FAIM: variants seen among roughly 807,000 people sequenced by gnomAD.
FAIM encodes the protein fas apoptotic inhibitory molecule 1.
FAIM carries 14 observed loss-of-function variants against 21.2 expected under a neutral mutation model. The ratio of observed to expected loss-of-function variants is 0.66; its 90% CI spans 0.44 to 1.03. FAIM has a LOEUF of 1.03. Ranked by LOEUF, FAIM falls within the 50% of genes least tolerant of loss-of-function variation. The probability of loss-of-function intolerance (pLI) is 0.00; values close to 1 mark genes in which losing one functional copy is unlikely to be tolerated. For missense variants in FAIM, 222 were observed against 247.1 expected (o/e 0.90, Z 0.68); for synonymous variants, 86 against 80.4 (o/e 1.07, Z -0.37).
intron 1 of FAIM, among the ~76,000 whole-genome samples, chr3:138,612,960 A>G (rs916821501): frequency 6.8e-6 from 1 of 147,964 alleles, no homozygotes; most frequent in Non-Finnish European, 1.5e-5. Context: ...TCATGTGCTT[A>G]TTGACCATTT....
At chr3:138,614,376 G>T (rs929918588) in intron 1 of FAIM, among the ~76,000 whole-genome samples, 1 of 152,118 alleles carries the variant, frequency 6.6e-6, no homozygotes, top group Non-Finnish European at 1.5e-5. Context: ...GGAGGTCGAG[G>T]CTGCAGTGAA....
intron 4 of FAIM, among the ~76,000 whole-genome samples, chr3:138,627,486 T>C (rs1326175053): frequency 6.6e-6 from 1 of 152,140 alleles, no homozygotes; most frequent in Non-Finnish European, 1.5e-5. Context: ...TGGCCTTTTT[T>C]TGTACTTTTA....
chr3:138,629,077 T>C (rs749035302), intron 4 of FAIM, 30 bp from the exon 5 acceptor site: 1 of 1,539,156 alleles, frequency 6.5e-7, no homozygotes. Context: ...CACAGAATTA[T>C]AACTTAAAGT....
At chr3:138,614,420 A>T (rs767335268) in intron 1 of FAIM, among the ~76,000 whole-genome samples, 4 of 151,566 alleles carry the variant, frequency 2.6e-5, no homozygotes, top group Non-Finnish European at 5.9e-5. Flanking sequence ...AGCCTGGATG[A>T]CTAGAGTGAG....
chr3:138,612,507 GTA>G (rs915037559), intron 1 of FAIM, among the ~76,000 whole-genome samples: 2 of 152,132 alleles, frequency 1.3e-5, no homozygotes, highest in African/African-American at 4.8e-5. Context: ...AATATCCTTT[GTA>G]TATATATGCA....
intron 5 of FAIM, among the ~76,000 whole-genome samples, chr3:138,631,461 A>G (rs2043004567): frequency 6.6e-6 from 1 of 151,986 alleles, no homozygotes; most frequent in South Asian, 2.1e-4. Context: ...AGGTGAAAAT[A>G]ATATTCATCC....
chr3:138,613,364 G>C lies in FAIM; in HGVS notation c.-17+4427G>C, dbSNP rs1211836787. Reference sequence around the variant, plus strand: ...GGGTTGTCTTTTGTGTTTATGAGCAGTAGAGTTCTTTATATATTCAGAATA... The same window carrying C: ...GGGTTGTCTTTTGTGTTTATGAGCACTAGAGTTCTTTATATATTCAGAATA... On this transcript the variant is annotated intron_variant, in intron 1 of 5. Transcript: ENST00000360570. 2.6e-5 allele frequency among the ~76,000 whole-genome samples: 4 copies of C among 152,186 alleles called. No individual in the cohort carries two copies. In the South Asian group the frequency reaches 8.3e-4, roughly 32 times the overall value.
chr3:138,627,580 A>T (rs1265064646), intron 4 of FAIM, among the ~76,000 whole-genome samples: 1 of 151,958 alleles, frequency 6.6e-6, no homozygotes, highest in East Asian at 1.9e-4. Context: ...TATTGTAGAA[A>T]CTCTGAGTAC....
chr3:138,612,070 T>G (rs1196998737), intron 1 of FAIM, among the ~76,000 whole-genome samples: 1 of 151,442 alleles, frequency 6.6e-6, no homozygotes, highest in African/African-American at 2.4e-5. Flanking sequence ...ATAAGTGGAA[T>G]CATATTTGTC....
chr3:138,631,114 G>A (rs902348031), intron 5 of FAIM: 14 of 151,108 alleles, frequency 9.3e-5, no homozygotes, highest in African/African-American at 1.7e-4. Context: ...CTCCAGCCTC[G>A]GTAACAGAAT....
chr3:138,628,437 C>T (rs2042963662), intron 4 of FAIM, among the ~76,000 whole-genome samples: 1 of 151,934 alleles, frequency 6.6e-6, no homozygotes, highest in African/African-American at 2.4e-5. Flanking sequence ...AGGGTCCCTC[C>T]TCACATTCAT....
At chr3:138,620,930 C>T (rs1200492073) in intron 2 of FAIM, among the ~76,000 whole-genome samples, 1 of 151,966 alleles carries the variant, frequency 6.6e-6, no homozygotes, top group Non-Finnish European at 1.5e-5. Context: ...AAATTAGAAC[C>T]TTTTTGTTAA....
intron 1 of FAIM, among the ~76,000 whole-genome samples, chr3:138,612,163 C>T (rs1037265028): frequency 8.7e-5 from 12 of 137,650 alleles, no homozygotes; most frequent in South Asian, 4.5e-4. Flanking sequence ...TGCAGTGGTG[C>T]GATCTCAGCT....
intron 5 of FAIM, 40 bp from the exon 6 acceptor site, chr3:138,632,889 AG>A (rs2043020643): frequency 3.8e-6 from 6 of 1,597,968 alleles, no homozygotes; most frequent in Non-Finnish European, 5.1e-6. Context: ...CAGAGATAAA[AG>A]TTTCTGCACC....
intron 4 of FAIM, among the ~76,000 whole-genome samples, chr3:138,627,776 G>T (rs780592996): frequency 1.3e-5 from 2 of 152,042 alleles, no homozygotes; most frequent in Non-Finnish European, 2.9e-5. Context: ...GGACCCCTCT[G>T]GCTTTCTCTT....
chr3:138,620,956 C>T (rs990853712), intron 2 of FAIM, among the ~76,000 whole-genome samples: 3 of 151,904 alleles, frequency 2.0e-5, no homozygotes, highest in East Asian at 1.9e-4. Context: ...ATCCCTAGTG[C>T]GAGTTTAAGT....
Position 138,622,459 on chromosome 3 carries a change from T to A in FAIM, c.406+43T>A, listed in dbSNP as rs764383764. Reference sequence around the variant, plus strand: ...CCGCAGAACTTTTTTTTTTTTTTTATAATGTCTGTTTAATTCCTGTAACTG... The same window carrying A: ...CCGCAGAACTTTTTTTTTTTTTTTAAAATGTCTGTTTAATTCCTGTAACTG... On this transcript the variant is annotated intron_variant, in intron 4 of 5. Transcript: ENST00000360570. 2.0e-5 allele frequency: 24 copies of A among 1,200,384 alleles called. No homozygotes were observed. In the Admixed American group the frequency reaches 5.3e-4, roughly 26 times the overall value. The allele number at this position is 1,200,384 out of a possible 1,614,324, so 74.4% of individuals were successfully genotyped here.
At chr3:138,629,248 A>C in intron 5 of FAIM, 92 bp downstream of exon 5, 2 of 1,048,920 alleles carry the variant, frequency 1.9e-6, no homozygotes, top group Non-Finnish European at 2.9e-6. Flanking sequence ...TCTTATAATG[A>C]ATCAAGGCCC....
At chr3:138,629,444 C>T in intron 5 of FAIM, 1 of 175,474 alleles carries the variant, frequency 5.7e-6, no homozygotes, top group Non-Finnish European at 1.0e-5. Flanking sequence ...AAAAAGAGCC[C>T]CTAGTTAAAA....
Sources: gnomAD v4.1 joint callset for allele counts (sites outside exome capture counted in the v4.1 genomes callset) on GRCh38, gnomAD v4.1.1 for gene constraint, MANE v1.5 for transcripts, NCBI Gene and HGNC (gene_info 2026-07-23, HGNC 2026-07-21) for gene names.